ABI3BP: variants seen among roughly 807,000 people sequenced by gnomAD.
ABI3BP encodes the protein target of Nesh-SH3.
A neutral mutation model predicts 268.6 loss-of-function variants in ABI3BP; 216 were observed. That is an observed-to-expected ratio of 0.80 (90% confidence interval 0.72 to 0.90). ABI3BP has a LOEUF of 0.90. Ranked by LOEUF, ABI3BP falls within the 40% of genes least tolerant of loss-of-function variation. ABI3BP has a pLI of 0.00. For synonymous variants in ABI3BP, 730 were observed against 730.0 expected (o/e 1.00, Z 0.00); for missense variants, 2,090 against 2,182.4 (o/e 0.96, Z 0.84).
intron 14 of ABI3BP, among the ~76,000 whole-genome samples, chr3:100,856,481 A>G (rs969865073): frequency 6.6e-6 from 1 of 152,236 alleles, no homozygotes; most frequent in African/African-American, 2.4e-5. Flanking sequence ...AGATAACTGT[A>G]TATGATTCAA....
intron 31 of ABI3BP, 56 bp downstream of exon 31, chr3:100,832,208 C>A: frequency 6.8e-7 from 1 of 1,470,200 alleles, no homozygotes; most frequent in African/African-American, 1.4e-5. Flanking sequence ...ATAGAACTTA[C>A]AGTCCCAACC....
rs1016379623 is a variant in ABI3BP at position 100,993,406 on chromosome 3, G to A, written c.-22C>T. ...GCATGTTGCATTTGCCACCTCGCAT[G>A]GGGAATGATGCTGGTGGGTGCCTCG... is the stretch of plus-strand genomic sequence containing the variant. On this transcript the variant is annotated 5_prime_UTR_variant, in exon 1 of 68. Transcript: ENST00000471714. 3.9e-6 allele frequency: 6 copies of A among 1,548,280 alleles called. No homozygotes were observed. In the African/African-American group the frequency reaches 4.1e-5, roughly 11 times the overall value.
At chr3:100,954,987 T>TC (rs1187996842) in intron 1 of ABI3BP, among the ~76,000 whole-genome samples, 4 of 30,168 alleles carry the variant, frequency 1.3e-4, no homozygotes, top group African/African-American at 5.1e-4. Flanking sequence ...TTTTTTTTTT[T>TC]TTTTTTTTTT....
chr3:100,990,872 G>T (rs1449306), intron 1 of ABI3BP, among the ~76,000 whole-genome samples: 28,570 of 151,816 alleles, frequency 0.19, 2,796 homozygotes, highest in East Asian at 0.37. Flanking sequence ...CCTGCTTTGG[G>T]GTATCTTCAT....
intron 1 of ABI3BP, among the ~76,000 whole-genome samples, chr3:100,928,804 G>A (rs185470522): frequency 2.6e-5 from 4 of 152,096 alleles, no homozygotes; most frequent in Non-Finnish European, 2.9e-5. Flanking sequence ...TCTCTAGGCT[G>A]GACTGCACTG....
chr3:100,803,132 G>A (rs2097577467), intron 51 of ABI3BP, among the ~76,000 whole-genome samples: 1 of 146,054 alleles, frequency 6.8e-6, no homozygotes, highest in South Asian at 2.4e-4. Context: ...TGTGGAGCTG[G>A]AGAGGTGACA....
intron 1 of ABI3BP, among the ~76,000 whole-genome samples, chr3:100,959,468 C>T (rs796887043): frequency 4.2e-4 from 49 of 116,184 alleles, no homozygotes; most frequent in African/African-American, 1.4e-3. Flanking sequence ...CCAGCCTGGG[C>T]GACAGAGCGA....
chr3:100,900,333 C>T (rs1412451231), intron 3 of ABI3BP, among the ~76,000 whole-genome samples: 1 of 152,168 alleles, frequency 6.6e-6, no homozygotes, highest in Non-Finnish European at 1.5e-5. Context: ...CTTTTCAATT[C>T]CTGAGTTGAT....
At chr3:100,825,549 G>A (rs2098364081) in intron 35 of ABI3BP, among the ~76,000 whole-genome samples, 1 of 152,164 alleles carries the variant, frequency 6.6e-6, no homozygotes, top group African/African-American at 2.4e-5. Flanking sequence ...GTGCCACATG[G>A]CAGGTAAATA....
rs78784282 is a variant in ABI3BP, at chr3:100,851,653, T to C, written c.1351+222A>G. Among the ~76,000 whole-genome samples the C allele has an allele frequency of 3.0e-4, 45 of 152,358 alleles. 1 individual carries two copies. The East Asian group carries it at 8.7e-3, about 29-fold the overall frequency. On this transcript the variant is annotated intron_variant, in intron 15 of 67. Transcript: ENST00000471714. ...TTTTCCTCAGTGGCAACCAAATCTATCTGCATCTCCCTTATGTGACAGAGC... is the reference window on the plus strand; with the variant it reads ...TTTTCCTCAGTGGCAACCAAATCTACCTGCATCTCCCTTATGTGACAGAGC...
Position 100,841,251 on chromosome 3 carries a change from A to G in ABI3BP, c.1766-393T>C, listed in dbSNP as rs931970650. Among the ~76,000 whole-genome samples, 5 of 125,590 alleles carry G rather than the reference A, an allele frequency of 4.0e-5. No individual in the cohort carries two copies. In the East Asian group the frequency reaches 7.7e-4, roughly 19 times the overall value. The allele number at this position is 125,590 out of a possible 152,430, so 82.4% of individuals were successfully genotyped here. ...TTGCTCTTTTGAAGAAAAAGAAGCT[A>G]TAAAGATTGGGGTTGGTTTTTCTAT... On this transcript the variant is annotated intron_variant, in intron 21 of 67. Coordinates refer to ENST00000471714, the MANE Select transcript of ABI3BP (RefSeq NM_001375547.2).
At chr3:100,925,525 C>A (rs2061545960) in intron 2 of ABI3BP, among the ~76,000 whole-genome samples, 1 of 151,982 alleles carries the variant, frequency 6.6e-6, no homozygotes, top group Admixed American at 6.6e-5. Flanking sequence ...GAGATCCTCC[C>A]ACTTTAGCCT....
At chr3:100,958,716 A>G (rs547532487) in intron 1 of ABI3BP, among the ~76,000 whole-genome samples, 2 of 152,382 alleles carry the variant, frequency 1.3e-5, no homozygotes, top group Non-Finnish European at 2.9e-5. Context: ...AGATAAGCAT[A>G]TCCAAAAAGA....
chr3:100,808,289 C>G, intron 49 of ABI3BP, 54 bp from the exon 50 acceptor site: 2 of 1,361,198 alleles, frequency 1.5e-6, no homozygotes, highest in Non-Finnish European at 2.0e-6. Context: ...AATGACAGTA[C>G]CTAAGCCTCT....
intron 2 of ABI3BP, among the ~76,000 whole-genome samples, chr3:100,917,506 AT>A (rs1270961179): frequency 1.3e-5 from 2 of 152,158 alleles, no homozygotes; most frequent in Non-Finnish European, 2.9e-5. Context: ...TAACCCTTTA[AT>A]ATCCTTTTAC....
chr3:100,824,368 G>C (rs1012051188), intron 36 of ABI3BP, among the ~76,000 whole-genome samples: 1 of 152,062 alleles, frequency 6.6e-6, no homozygotes, highest in African/African-American at 2.4e-5. Context: ...AGCCCACCTC[G>C]ATCTTATCTT....
chr3:100,857,517 G>C (rs1453507544), intron 14 of ABI3BP, among the ~76,000 whole-genome samples: 1 of 152,088 alleles, frequency 6.6e-6, no homozygotes, highest in Non-Finnish European at 1.5e-5. Flanking sequence ...CATTCACAAC[G>C]AGAATAAGCT....
At position 100,864,000 on chromosome 3, in the gene ABI3BP, AC is replaced by A; in HGVS notation, c.1138+1del. ...AAAGCTGCAGTATTTATTATTTTTT[AC>A]CTAGAGTGCTCAGTGGCAATTCAAA... is the stretch of plus-strand genomic sequence containing the variant. On this transcript the variant is annotated splice_donor_variant, in intron 12 of 67. Transcript: ENST00000471714. LOFTEE classifies it high-confidence loss of function. The A allele has an allele frequency of 2.6e-6, 4 of 1,524,468 alleles. No individual in the cohort carries two copies. Among genetic ancestry groups the A allele is most frequent in the Non-Finnish European group, 3.5e-6 (4 of 1,136,258 alleles). 94.4% of individuals were successfully genotyped at this position (1,524,468 alleles called of 1,614,324 possible).
rs998118550 is a variant in ABI3BP, at chr3:100,800,392, C to A, written c.3758-3924G>T. ...TTAGCATAACCTAAAAGCCTTCAAA[C>A]ATATGAATCCAATTTACATTAAGTC... is the stretch of plus-strand genomic sequence containing the variant. On this transcript the variant is annotated intron_variant, in intron 51 of 67. Coordinates refer to ENST00000471714, the MANE Select transcript of ABI3BP (RefSeq NM_001375547.2). 3.3e-5 allele frequency among the ~76,000 whole-genome samples: 5 copies of A among 152,138 alleles called. No individual in the cohort carries two copies. In the East Asian group the frequency reaches 9.6e-4, roughly 29 times the overall value.
Sources: allele counts gnomAD v4.1 joint callset (sites outside exome capture counted in the v4.1 genomes callset), GRCh38; gene constraint gnomAD v4.1.1; transcripts MANE v1.5; gene names NCBI Gene and HGNC (gene_info 2026-07-23, HGNC 2026-07-21).